Variants in TGFB2 observed in about 807,000 individuals in gnomAD.
The protein encoded by TGFB2 is transforming growth factor beta-2 proprotein.
A neutral mutation model predicts 42.7 loss-of-function variants in TGFB2; 13 were observed. The ratio of observed to expected loss-of-function variants is 0.30; its 90% CI spans 0.20 to 0.48. The LOEUF is 0.48. Among genes scored for constraint, TGFB2 ranks in the 20% least tolerant of loss-of-function variants. The pLI, the probability that TGFB2 is intolerant of heterozygous loss-of-function variation, is 0.99. For missense variants in TGFB2, 390 were observed against 517.5 expected, an observed-to-expected ratio of 0.75 and a Z score of 2.39; for synonymous variants, 193 against 193.6, an observed-to-expected ratio of 1.00 and a Z score of 0.03.
chr1:218,421,955 G>A (rs1025965669), intron 2 of TGFB2, among the ~76,000 whole-genome samples: 2 of 152,102 alleles, frequency 1.3e-5, no homozygotes, highest in Admixed American at 6.5e-5. Context: ...CCCTGGAGGC[G>A]TCAGAGAGAT....
intron 1 of TGFB2, among the ~76,000 whole-genome samples, chr1:218,378,301 C>A (rs916385649): frequency 6.6e-6 from 1 of 152,124 alleles, no homozygotes; most frequent in African/African-American, 2.4e-5. Flanking sequence ...CTCAGCCTCT[C>A]GAGTAGTTGG....
intron 1 of TGFB2, among the ~76,000 whole-genome samples, chr1:218,383,481 T>C (rs985576817): frequency 1.3e-5 from 2 of 152,184 alleles, no homozygotes; most frequent in African/African-American, 4.8e-5. Flanking sequence ...TCAGAAGTCA[T>C]TTTTCATTTT....
At chr1:218,354,833 T>C (rs1382428144) in intron 1 of TGFB2, among the ~76,000 whole-genome samples, 1 of 152,232 alleles carries the variant, frequency 6.6e-6, no homozygotes, top group Non-Finnish European at 1.5e-5. Flanking sequence ...TTCTTGCCTC[T>C]TAACACATTC....
intron 1 of TGFB2, among the ~76,000 whole-genome samples, chr1:218,352,011 C>T (rs1258822532): frequency 6.6e-6 from 1 of 152,098 alleles, no homozygotes; most frequent in Non-Finnish European, 1.5e-5. Flanking sequence ...TTAGAAGGTT[C>T]GAGAAATTAG....
chr1:218,369,256 G>GAAAAAAAA (rs34825461), intron 1 of TGFB2, among the ~76,000 whole-genome samples: 3 of 35,646 alleles, frequency 8.4e-5, no homozygotes, highest in Non-Finnish European at 1.0e-4. Context: ...TTCCGTCTCA[G>GAAAAAAAA]AAAAAAAAAA....
intron 6 of TGFB2, 96 bp from the exon 7 acceptor site, chr1:218,441,108 C>T: frequency 8.2e-7 from 1 of 1,214,710 alleles, no homozygotes; most frequent in Non-Finnish European, 1.2e-6. Context: ...CTACTCAGTG[C>T]TGTGACTGCT....
intron 1 of TGFB2, among the ~76,000 whole-genome samples, chr1:218,372,704 T>G (rs2102555933): frequency 6.6e-6 from 1 of 152,334 alleles, no homozygotes; most frequent in Middle Eastern, 3.4e-3. Context: ...TGTTGGGAGC[T>G]TTGACAGTCA....
chr1:218,398,686 C>T (rs1481722979), intron 1 of TGFB2, among the ~76,000 whole-genome samples: 1 of 152,060 alleles, frequency 6.6e-6, no homozygotes, highest in African/African-American at 2.4e-5. Flanking sequence ...CTCCCGGGTT[C>T]AAGCGATTCT....
chr1:218,383,535 G>T (rs1359962548), intron 1 of TGFB2, among the ~76,000 whole-genome samples: 1 of 152,182 alleles, frequency 6.6e-6, no homozygotes, highest in East Asian at 1.9e-4. Context: ...TGTATGTGGG[G>T]GGTGTGGGGG....
chr1:218,400,214 G>T (rs527957027), intron 1 of TGFB2, among the ~76,000 whole-genome samples: 1 of 149,890 alleles, frequency 6.7e-6, no homozygotes, highest in Non-Finnish European at 1.5e-5. Context: ...GGGGTCTCTT[G>T]TTCAAAAAAA....
intron 1 of TGFB2, among the ~76,000 whole-genome samples, chr1:218,397,930 C>T (rs1384131535): frequency 6.6e-6 from 1 of 152,236 alleles, no homozygotes; most frequent in Non-Finnish European, 1.5e-5. Flanking sequence ...CTGTGTTTCA[C>T]TTTGAACTAC....
At chr1:218,354,197 C>G (rs996485389) in intron 1 of TGFB2, among the ~76,000 whole-genome samples, 3 of 152,130 alleles carry the variant, frequency 2.0e-5, no homozygotes, top group African/African-American at 7.2e-5. Context: ...GATGAGCATT[C>G]CCTTTACAGA....
At chr1:218,369,429 T>C (rs892498044) in intron 1 of TGFB2, among the ~76,000 whole-genome samples, 6 of 152,188 alleles carry the variant, frequency 3.9e-5, no homozygotes, top group African/African-American at 1.4e-4. Context: ...GTTTTTCCTT[T>C]AGCAAACAGT....
At position 218,346,033 on chromosome 1, in the gene TGFB2, G is replaced by C. The variant is rs867035533; in HGVS notation, c.-669G>C. ...CACCCTCCTCCCCGCGGTGCGCTGGGCTCGCCCCCAGCGCGCGCACACGCA... is the reference window on the plus strand; with the variant it reads ...CACCCTCCTCCCCGCGGTGCGCTGGCCTCGCCCCCAGCGCGCGCACACGCA... On this transcript the variant is annotated 5_prime_UTR_variant, in exon 1 of 7. Transcript: ENST00000366930. The surrounding 1 kb of genome is among the most constrained non-coding windows in gnomAD (Gnocchi z 4.9). 4.7e-5 allele frequency among the ~76,000 whole-genome samples: 7 copies of C among 150,370 alleles called. No homozygotes were observed. The highest frequency in any genetic ancestry group is 1.5e-4 in the African/African-American group (6 of 40,198).
chr1:218,415,762 C>A (rs940121258), intron 2 of TGFB2, among the ~76,000 whole-genome samples: 1 of 148,464 alleles, frequency 6.7e-6, no homozygotes, highest in East Asian at 2.0e-4. Context: ...AAGGAGGAGA[C>A]CTTTGCAGCC....
chr1:218,347,823 A>C (rs1479904235), intron 1 of TGFB2, among the ~76,000 whole-genome samples: 1 of 152,124 alleles, frequency 6.6e-6, no homozygotes, highest in Non-Finnish European at 1.5e-5. Flanking sequence ...TCACATCTCC[A>C]GTGTAGCAGA....
At chr1:218,361,788 G>T (rs534579402) in intron 1 of TGFB2, among the ~76,000 whole-genome samples, 1 of 152,170 alleles carries the variant, frequency 6.6e-6, no homozygotes, top group African/African-American at 2.4e-5. Context: ...TTTGCTGACT[G>T]GTTATTTGAG....
Position 218,381,258 on chromosome 1 carries a change from G to T in TGFB2, c.347-23911G>T, listed in dbSNP as rs1028870236. ...AAGGCACATTTTTGTTTTTGTTTTT[G>T]TTTTTTTTTTTTTTTGAGACAGAGT... On this transcript the variant is annotated intron_variant, in intron 1 of 6. Coordinates refer to ENST00000366930, the MANE Select transcript of TGFB2 (RefSeq NM_003238.6). Among the ~76,000 whole-genome samples, 411 of 137,694 alleles carry T rather than the reference G, an allele frequency of 3.0e-3. 2 individuals are homozygous for T. The highest frequency in any genetic ancestry group is 6.8e-3 in the African/African-American group (251 of 37,184). The allele number at this position is 137,694 out of a possible 152,430, so 90.3% of individuals were successfully genotyped here. A position where few individuals can be genotyped will look rare whatever the true frequency, so the allele number is the denominator to read the frequency against.
At chr1:218,430,069 A>G (rs1458476974) in intron 2 of TGFB2, among the ~76,000 whole-genome samples, 1 of 152,120 alleles carries the variant, frequency 6.6e-6, no homozygotes, top group African/African-American at 2.4e-5. Context: ...AGGGGAGGCC[A>G]GTTAAGAGAG....
Sources: gnomAD v4.1 joint callset for allele counts (sites outside exome capture counted in the v4.1 genomes callset) on GRCh38, gnomAD v4.1.1 for gene constraint, Gnocchi (gnomAD v3.1) non-coding constraint, MANE v1.5 for transcripts, NCBI Gene and HGNC (gene_info 2026-07-23, HGNC 2026-07-21) for gene names.